The following STAT3 variants were observed in gnomAD, a reference collection of about 807,000 sequenced individuals.
STAT3 encodes signal transducer and activator of transcription 3.
Under a neutral mutation model 114.3 loss-of-function variants are expected in STAT3, and 7 were observed. That is an observed-to-expected ratio of 0.06 (90% CI 0.03 to 0.11). The LOEUF is 0.11. Among genes scored for constraint, STAT3 ranks in the 10% least tolerant of loss-of-function variants. The pLI, the probability that STAT3 is intolerant of heterozygous loss-of-function variation, is 1.00. For synonymous variants in STAT3, 331 were observed against 354.5 expected, an observed-to-expected ratio of 0.93 and a Z score of 0.74; for missense variants, 364 against 960.9, an observed-to-expected ratio of 0.38 and a Z score of 8.21.
chr17:42,348,850 C>T (rs1422423013), intron 1 of STAT3, among the ~76,000 whole-genome samples: 2 of 151,794 alleles, frequency 1.3e-5, no homozygotes, highest in Non-Finnish European at 2.9e-5. Flanking sequence ...TAGAACAATA[C>T]AAACACATTC....
rs184054154 is a variant in STAT3 at position 42,365,173 on chromosome 17, G to A, written c.-23-16634C>T. Among the ~76,000 whole-genome samples, 86 of 152,238 alleles carry A rather than the reference G, an allele frequency of 5.6e-4. 1 individual carries two copies. The highest frequency in any genetic ancestry group is 4.6e-3 in the Admixed American group (70 of 15,284). On this transcript the variant is annotated intron_variant, in intron 1 of 23. Transcript: ENST00000264657. ...ACCAATAGAGCATGCTGAAAGCGGC[G>A]AGATGTCATTTCCACCTGATTTCAT...
At position 42,337,059 on chromosome 17, in the gene STAT3, A is replaced by C. The variant is rs1169283796; in HGVS notation, c.797+376T>G. On this transcript the variant is annotated intron_variant, in intron 8 of 23. Coordinates refer to ENST00000264657, the MANE Select transcript of STAT3 (RefSeq NM_139276.3). The surrounding 1 kb of genome is among the most constrained non-coding windows in gnomAD (Gnocchi z 4.0). ...GGTAGTAAGATCTCCGCTCACTGCAACTTCCATATCCCAGGTTCAAGTGAT... is the reference window on the plus strand; with the variant it reads ...GGTAGTAAGATCTCCGCTCACTGCACCTTCCATATCCCAGGTTCAAGTGAT... Among the ~76,000 whole-genome samples the C allele has an allele frequency of 3.3e-5, 5 of 152,056 alleles. No homozygotes were observed. Among genetic ancestry groups the C allele is most frequent in the Admixed American group, 2.6e-4 (4 of 15,258 alleles).
intron 1 of STAT3, among the ~76,000 whole-genome samples, chr17:42,371,445 C>T (rs1353321237): frequency 1.3e-5 from 2 of 149,874 alleles, no homozygotes; most frequent in Non-Finnish European, 3.0e-5. Flanking sequence ...CTGAGGCAGG[C>T]GGATCACCTG....
At chr17:42,316,172 A>G (rs1322397120) in intron 23 of STAT3, 3 of 862,520 alleles carry the variant, frequency 3.5e-6, no homozygotes, top group Non-Finnish European at 4.6e-6. Context: ...TCAAAAGCCC[A>G]CTGGATTTTA....
intron 2 of STAT3, among the ~76,000 whole-genome samples, chr17:42,347,099 A>G (rs2082731874): frequency 6.7e-6 from 1 of 150,264 alleles, no homozygotes; most frequent in African/African-American, 2.5e-5. Flanking sequence ...GAGGCGGGAG[A>G]ATCGCTTGAA....
intron 10 of STAT3, among the ~76,000 whole-genome samples, chr17:42,332,568 C>T (rs377010162): frequency 7.9e-5 from 11 of 139,256 alleles, no homozygotes; most frequent in East Asian, 4.4e-4. Context: ...AAAGGCCGAG[C>T]GTGGTGGCTC....
chr17:42,346,712 C>A lies in STAT3; in HGVS notation c.130G>T (p.Ala44Ser). The A allele has an allele frequency of 6.2e-7, 1 of 1,613,930 alleles. No individual in the cohort carries two copies. Among genetic ancestry groups the A allele is most frequent in the Non-Finnish European group, 8.5e-7 (1 of 1,179,986 alleles). The change falls in exon 3 of 24, where the codon GCA becomes TCA. Residue 44 changes from alanine to serine, a missense_variant and splice_region_variant. Transcript: ENST00000264657. ...LAPWIESQDW[A>S]YAASKESHAT... is the part of the protein sequence containing the mutation. ...TGTGATTCTTTGCTGGCCGCATATG[C>A]CCTAGGAAAAGGAAGAATGATAAAG... is the stretch of plus-strand genomic sequence containing the variant.
chr17:42,383,808 T>C (rs111383977), intron 1 of STAT3, among the ~76,000 whole-genome samples: 4,364 of 152,322 alleles, frequency 0.029, 100 homozygotes, highest in African/African-American at 0.059. Context: ...TCAAAAGTTA[T>C]GGTGAAATTT....
At chr17:42,387,406 GAC>G (rs1162832316) in intron 1 of STAT3, 2 of 152,132 alleles carry the variant, frequency 1.3e-5, no homozygotes, top group African/African-American at 4.8e-5. Context: ...TTGGCTCTGA[GAC>G]AGAAAACTCC....
chr17:42,344,276 G>T (rs1298031766), intron 4 of STAT3, among the ~76,000 whole-genome samples: 1 of 151,542 alleles, frequency 6.6e-6, no homozygotes, highest in African/African-American at 2.4e-5. Flanking sequence ...CAAAAAATTA[G>T]CTGGGTGTGG....
chr17:42,317,251 A>T, intron 21 of STAT3, 27 bp from the exon 22 acceptor site: 1 of 1,612,174 alleles, frequency 6.2e-7, no homozygotes, highest in Non-Finnish European at 8.5e-7. Context: ...CAGTTTTCTT[A>T]CTGACTGTGA....
chr17:42,326,315 C>A, intron 14 of STAT3, 116 bp from the exon 15 acceptor site: 1 of 852,716 alleles, frequency 1.2e-6, no homozygotes, highest in South Asian at 1.4e-5. Flanking sequence ...CGAGACCAGT[C>A]TAAGCAGCAC....
chr17:42,322,182 C>T (rs1189077387), intron 21 of STAT3, 100 bp downstream of exon 21: 2 of 1,110,688 alleles, frequency 1.8e-6, no homozygotes, highest in Non-Finnish European at 1.4e-6. Flanking sequence ...AATAATTATC[C>T]CCCAGGTTAT....
chr17:42,345,064 G>A (rs933133154), intron 4 of STAT3, among the ~76,000 whole-genome samples: 2 of 151,688 alleles, frequency 1.3e-5, no homozygotes, highest in African/African-American at 2.4e-5. Flanking sequence ...TCAGGAGTTC[G>A]AGACCAGCCT....
At chr17:42,383,123 C>G (rs2084894263) in intron 1 of STAT3, among the ~76,000 whole-genome samples, 1 of 152,072 alleles carries the variant, frequency 6.6e-6, no homozygotes, top group Non-Finnish European at 1.5e-5. Flanking sequence ...GTGGCAGGAT[C>G]TTGGCTCACT....
chr17:42,329,159 C>CAG (rs2081878079), intron 14 of STAT3, among the ~76,000 whole-genome samples: 1 of 152,180 alleles, frequency 6.6e-6, no homozygotes, highest in Non-Finnish European at 1.5e-5. Context: ...GAGAACAACT[C>CAG]AGCAAGGGAC....
At chr17:42,359,092 C>A (rs2083381708) in intron 1 of STAT3, among the ~76,000 whole-genome samples, 1 of 151,932 alleles carries the variant, frequency 6.6e-6, no homozygotes, top group African/African-American at 2.4e-5. Flanking sequence ...CCCGCCACCA[C>A]ACCCGGCTAA....
intron 10 of STAT3, 49 bp from the exon 11 acceptor site, chr17:42,331,580 T>A: frequency 2.1e-6 from 3 of 1,436,028 alleles, no homozygotes; most frequent in Non-Finnish European, 2.9e-6. Flanking sequence ...AACTCTCCCA[T>A]AACCTTTTCT....
intron 1 of STAT3, among the ~76,000 whole-genome samples, chr17:42,351,287 C>T (rs2082943948): frequency 6.6e-6 from 1 of 151,676 alleles, no homozygotes; most frequent in South Asian, 2.1e-4. Context: ...ACTCTGTCAC[C>T]CAGGCTGGAG....
Sources: allele counts gnomAD v4.1 joint callset (sites outside exome capture counted in the v4.1 genomes callset), GRCh38; gene constraint gnomAD v4.1.1; non-coding constraint Gnocchi (gnomAD v3.1); transcripts MANE v1.5; gene names NCBI Gene and HGNC (gene_info 2026-07-23, HGNC 2026-07-21).